CTNNA2: variants seen among roughly 807,000 people sequenced by gnomAD.
The protein encoded by CTNNA2 is catenin alpha 2, also known as catenin alpha-2.
Under a neutral mutation model 101.0 loss-of-function variants are expected in CTNNA2, and 42 were observed. The observed-to-expected ratio is 0.42, with a 90% CI of 0.32 to 0.54. CTNNA2 has a LOEUF of 0.54. Ranked by LOEUF, CTNNA2 falls within the 20% of genes least tolerant of loss-of-function variation. CTNNA2 has a pLI of 0.14. For missense variants in CTNNA2, 871 were observed against 1,223.1 expected, an observed-to-expected ratio of 0.71 and a Z score of 4.29; for synonymous variants, 450 against 456.4, an observed-to-expected ratio of 0.99 and a Z score of 0.18.
chr2:79,732,836 A>T (rs2104929016), intron 2 of CTNNA2, among the ~76,000 whole-genome samples: 1 of 152,110 alleles, frequency 6.6e-6, no homozygotes, highest in South Asian at 2.1e-4. Flanking sequence ...GCTCCTTTCT[A>T]CCTGTGGCTT....
In CTNNA2 at chr2:80,448,205, A is replaced by C. The variant is rs550246479; in HGVS notation, c.1290+28604A>C. Among the ~76,000 whole-genome samples the C allele has an allele frequency of 2.6e-5, 4 of 152,320 alleles. No homozygotes were observed. In the East Asian group the frequency reaches 7.7e-4, roughly 29 times the overall value. ...GTCCTCAGATCCTTTGTGAAATCCC[A>C]GATTGTCTTCACTTACTAAAGAAAG... is the stretch of plus-strand genomic sequence containing the variant. On this transcript the variant is annotated intron_variant, in intron 9 of 18. Coordinates refer to ENST00000402739, the MANE Select transcript of CTNNA2 (RefSeq NM_001282597.3).
chr2:80,416,817 T>A (rs1443598912), intron 8 of CTNNA2, among the ~76,000 whole-genome samples: 2 of 152,098 alleles, frequency 1.3e-5, no homozygotes, highest in African/African-American at 4.8e-5. Context: ...AGTTCTTGCA[T>A]TTTTATCAGA....
intron 7 of CTNNA2, among the ~76,000 whole-genome samples, chr2:80,388,531 C>T (rs1381265803): frequency 6.6e-6 from 1 of 152,176 alleles, no homozygotes; most frequent in Non-Finnish European, 1.5e-5. Flanking sequence ...TTTTCTGCTT[C>T]TCATATTTCA....
intron 3 of CTNNA2, among the ~76,000 whole-genome samples, chr2:79,827,759 G>A (rs1343357987): frequency 6.6e-6 from 1 of 152,140 alleles, no homozygotes. Context: ...ATACTTAACA[G>A]AGGCAAAGGA....
intron 6 of CTNNA2, among the ~76,000 whole-genome samples, chr2:79,883,925 C>A (rs1458066169): frequency 2.6e-5 from 4 of 152,024 alleles, no homozygotes; most frequent in Admixed American, 1.3e-4. Context: ...AAATAAGCCA[C>A]AGGAAGTTTG....
At chr2:79,682,174 C>A (rs1017324031) in intron 2 of CTNNA2, among the ~76,000 whole-genome samples, 1 of 151,674 alleles carries the variant, frequency 6.6e-6, no homozygotes, top group Admixed American at 6.6e-5. Flanking sequence ...TTTGGGAGGC[C>A]GAGGCAGGCG....
chr2:79,601,157 T>G (rs1417027722), intron 1 of CTNNA2, among the ~76,000 whole-genome samples: 2 of 152,096 alleles, frequency 1.3e-5, no homozygotes, highest in African/African-American at 4.8e-5. Flanking sequence ...TGGGAAGAAA[T>G]TTGTCAAAAG....
rs114055913 is a variant in CTNNA2, at chr2:79,342,448, G to A, written c.-318+29652G>A. Among the ~76,000 whole-genome samples the A allele has an allele frequency of 1.7e-3, 254 of 152,244 alleles. 1 individual carries two copies. The highest frequency in any genetic ancestry group is 5.7e-3 in the African/African-American group (238 of 41,548). On this transcript the variant is annotated intron_variant, in intron 3 of 21. Coordinates refer to the CTNNA2 transcript ENST00000466387. ...AATGAATTACACATTCTTCATATTT[G>A]CCTCTTGTGTTAAGATGTTATGTAA... is the stretch of plus-strand genomic sequence containing the variant.
At chr2:80,293,928 G>C (rs1675492925) in intron 7 of CTNNA2, among the ~76,000 whole-genome samples, 1 of 152,022 alleles carries the variant, frequency 6.6e-6, no homozygotes, top group Admixed American at 6.6e-5. Flanking sequence ...CAGAGGGGCA[G>C]TGGTGAAACT....
At chr2:79,357,096 G>C (rs1677524371) in intron 3 of CTNNA2, among the ~76,000 whole-genome samples, 1 of 152,178 alleles carries the variant, frequency 6.6e-6, no homozygotes, top group Non-Finnish European at 1.5e-5. Context: ...GGAGACCAAG[G>C]CAGGAGGGTC....
intron 1 of CTNNA2, among the ~76,000 whole-genome samples, chr2:79,188,602 T>A (rs1404253441): frequency 6.6e-6 from 1 of 152,152 alleles, no homozygotes; most frequent in Admixed American, 6.5e-5. Context: ...AATACCGTAT[T>A]CTCAGAGAGA....
At position 79,521,144 on chromosome 2, in the gene CTNNA2, AT is replaced by A. The variant is rs1672093020; in HGVS notation, c.-6+7938del. 2.1e-3 allele frequency among the ~76,000 whole-genome samples: 99 copies of A among 47,120 alleles called. 6 individuals are homozygous for A. The Middle Eastern group carries it at 0.037, about 17-fold the overall frequency. The allele number at this position is 47,120 out of a possible 152,430, so 30.9% of individuals were successfully genotyped here. A position where few individuals can be genotyped will look rare whatever the true frequency, so the allele number is the denominator to read the frequency against. On this transcript the variant is annotated intron_variant, in intron 1 of 18. Transcript: ENST00000402739. ...TATATATATATATATATATATATATATATATATATATATATATATATATAAA... is the reference window on the plus strand; with the variant it reads ...TATATATATATATATATATATATATAATATATATATATATATATATATAAA...
At chr2:79,997,400 AAGGAAAG>A (rs1286174493) in intron 7 of CTNNA2, among the ~76,000 whole-genome samples, 22 of 152,158 alleles carry the variant, frequency 1.4e-4, no homozygotes, top group South Asian at 2.1e-4. Context: ...AGGGAAAGGA[AAGGAAAG>A]AGGAAAGAGG....
chr2:80,064,072 A>G (rs1367242727), intron 7 of CTNNA2, among the ~76,000 whole-genome samples: 1 of 152,220 alleles, frequency 6.6e-6, no homozygotes, highest in Non-Finnish European at 1.5e-5. Flanking sequence ...GAGGAGAGGG[A>G]GAGGGAGAAG....
intron 3 of CTNNA2, among the ~76,000 whole-genome samples, chr2:79,343,213 A>C (rs539175947): frequency 6.6e-6 from 1 of 152,200 alleles, no homozygotes; most frequent in East Asian, 1.9e-4. Flanking sequence ...GATAAATTTA[A>C]TGACATAGGA....
intron 2 of CTNNA2, among the ~76,000 whole-genome samples, chr2:79,238,706 T>G (rs960418500): frequency 6.6e-6 from 1 of 152,230 alleles, no homozygotes; most frequent in African/African-American, 2.4e-5. Flanking sequence ...GTCTATGATG[T>G]AATGATTTGA....
intron 4 of CTNNA2, among the ~76,000 whole-genome samples, chr2:79,443,968 A>C (rs1201774075): frequency 6.7e-6 from 1 of 149,704 alleles, no homozygotes; most frequent in Non-Finnish European, 1.5e-5. Context: ...TTCTCTGATA[A>C]AGCAAGCTGA....
At chr2:79,320,477 AG>A (rs1359132536) in intron 3 of CTNNA2, among the ~76,000 whole-genome samples, 1 of 152,034 alleles carries the variant, frequency 6.6e-6, no homozygotes, top group African/African-American at 2.4e-5. Context: ...GCTTCTTCCT[AG>A]TACTTAATGA....
chr2:79,393,141 G>A (rs574827715), intron 4 of CTNNA2, among the ~76,000 whole-genome samples: 1 of 152,276 alleles, frequency 6.6e-6, no homozygotes, highest in South Asian at 2.1e-4. Context: ...GGGACCAGTA[G>A]AAAGGTGGTA....
Sources: allele counts gnomAD v4.1 joint callset (sites outside exome capture counted in the v4.1 genomes callset), GRCh38; gene constraint gnomAD v4.1.1; transcripts MANE v1.5; gene names NCBI Gene and HGNC (gene_info 2026-07-23, HGNC 2026-07-21).